Variants in TMEM132D observed in about 807,000 individuals in gnomAD.
TMEM132D encodes mature OL transmembrane protein.
TMEM132D carries 21 observed loss-of-function variants against 62.3 expected under a neutral mutation model. The observed-to-expected ratio is 0.34, with a 90% CI of 0.24 to 0.49. The LOEUF (loss-of-function observed/expected upper bound fraction) is 0.49, where lower values mean the gene tolerates loss of function less well. TMEM132D is among the 20% of genes least tolerant of loss of function. The pLI is 0.99. For synonymous variants in TMEM132D, 621 were observed against 575.6 expected (o/e 1.08, Z -1.13); for missense variants, 1,346 against 1,402.8 (o/e 0.96, Z 0.65).
At chr12:129,606,749 A>C (rs922399385) in intron 2 of TMEM132D, among the ~76,000 whole-genome samples, 2 of 152,186 alleles carry the variant, frequency 1.3e-5, no homozygotes, top group Non-Finnish European at 2.9e-5. Flanking sequence ...AGTGGGCGGC[A>C]AGAAAAAAAG....
At chr12:129,875,791 A>T (rs1047916123) in intron 1 of TMEM132D, among the ~76,000 whole-genome samples, 1 of 152,180 alleles carries the variant, frequency 6.6e-6, no homozygotes, top group African/African-American at 2.4e-5. Flanking sequence ...CAGAAATCCA[A>T]ATTTATCTTA....
intron 4 of TMEM132D, among the ~76,000 whole-genome samples, chr12:129,248,267 T>A (rs1013166793): frequency 3.9e-5 from 6 of 152,326 alleles, no homozygotes; most frequent in Admixed American, 3.3e-4. Context: ...TTTATGATAA[T>A]AAACTCAATA....
At chr12:129,712,123 ATTG>A (rs1442631886) in intron 1 of TMEM132D, among the ~76,000 whole-genome samples, 7 of 151,906 alleles carry the variant, frequency 4.6e-5, no homozygotes, top group Non-Finnish European at 8.8e-5. Flanking sequence ...TATTATCATT[ATTG>A]TTATTATTAT....
intron 3 of TMEM132D, among the ~76,000 whole-genome samples, chr12:129,463,534 T>G (rs891823804): frequency 4.0e-5 from 6 of 151,896 alleles, no homozygotes; most frequent in African/African-American, 1.5e-4. Flanking sequence ...GCAGGTTTGT[T>G]ACATATGTAT....
intron 4 of TMEM132D, among the ~76,000 whole-genome samples, chr12:129,295,100 G>T (rs1881535504): frequency 6.6e-6 from 1 of 152,154 alleles, no homozygotes; most frequent in Non-Finnish European, 1.5e-5. Context: ...AAAAAGATTG[G>T]CCTCCTGCAA....
intron 2 of TMEM132D, among the ~76,000 whole-genome samples, chr12:129,532,237 G>A (rs747401887): frequency 4.6e-5 from 7 of 152,184 alleles, no homozygotes; most frequent in African/African-American, 1.4e-4. Flanking sequence ...CCTGGAGCAC[G>A]CTGATGGTAC....
intron 2 of TMEM132D, among the ~76,000 whole-genome samples, chr12:129,673,079 C>G (rs1880538095): frequency 6.6e-6 from 1 of 152,160 alleles, no homozygotes; most frequent in African/African-American, 2.4e-5. Context: ...TGTTTAGATT[C>G]CTGTAGCCAC....
intron 5 of TMEM132D, among the ~76,000 whole-genome samples, chr12:129,171,237 G>A (rs1250677416): frequency 6.6e-6 from 1 of 152,092 alleles, no homozygotes; most frequent in Non-Finnish European, 1.5e-5. Flanking sequence ...TCCATAAAAA[G>A]CAACTCTTCT....
At chr12:129,082,077 C>T (rs2135617038) in intron 6 of TMEM132D, 45 bp from the exon 7 acceptor site, 1 of 1,559,454 alleles carries the variant, frequency 6.4e-7, no homozygotes, top group Non-Finnish European at 8.7e-7. Flanking sequence ...CTTGTTGGTC[C>T]TCTGTAAGGG....
intron 2 of TMEM132D, among the ~76,000 whole-genome samples, chr12:129,618,428 T>C (rs1220104575): frequency 6.6e-6 from 1 of 152,222 alleles, no homozygotes; most frequent in Non-Finnish European, 1.5e-5. Context: ...TTAACAGACA[T>C]TGCTTTTGCA....
intron 3 of TMEM132D, among the ~76,000 whole-genome samples, chr12:129,343,199 G>A (rs1252344800): frequency 6.6e-6 from 1 of 152,186 alleles, no homozygotes; most frequent in African/African-American, 2.4e-5. Context: ...ATGATAGACT[G>A]GATTAAGAAA....
In TMEM132D at chr12:129,700,584, G is replaced by T. The variant is rs769064382; in HGVS notation, c.194C>A (p.Ala65Asp). The T allele has an allele frequency of 2.5e-6, 4 of 1,614,010 alleles. No homozygotes were observed. In the Admixed American group the frequency reaches 6.7e-5, roughly 27 times the overall value. ...GGAGTTCCTCATGATATCCTGGTTGGCCTCCTTCAGGAAGAAGGAGACGTC... is the reference window on the plus strand; with the variant it reads ...GGAGTTCCTCATGATATCCTGGTTGTCCTCCTTCAGGAAGAAGGAGACGTC... ...NADVSFFLKEANQDIMRNSSL... is the reference protein window; with the variant it reads ...NADVSFFLKEDNQDIMRNSSL... Residue 65 changes from alanine (A) to aspartate (D), a missense_variant, in exon 2 of 9, where the codon GCC (alanine) becomes GAC (aspartate). Coordinates refer to ENST00000422113, the MANE Select transcript of TMEM132D (RefSeq NM_133448.3).
chr12:129,206,283 T>C (rs1020512408), intron 5 of TMEM132D, among the ~76,000 whole-genome samples: 2 of 152,104 alleles, frequency 1.3e-5, no homozygotes, highest in Admixed American at 6.5e-5. Context: ...CACTGAAAAG[T>C]GAGCAAAGGA....
chr12:129,881,368 A>G (rs945707102), intron 1 of TMEM132D, among the ~76,000 whole-genome samples: 3 of 152,054 alleles, frequency 2.0e-5, no homozygotes, highest in Non-Finnish European at 4.4e-5. Flanking sequence ...ACATTTACAG[A>G]GCACTCCTCA....
chr12:129,485,547 C>T (rs980271912), intron 3 of TMEM132D, among the ~76,000 whole-genome samples: 7 of 152,196 alleles, frequency 4.6e-5, no homozygotes, highest in Non-Finnish European at 7.3e-5. Flanking sequence ...TCTGTGCATC[C>T]CTCTTTCCTG....
In TMEM132D at chr12:129,391,045, T is replaced by C. The variant is rs1451312107; in HGVS notation, c.1116-53228A>G. Among the ~76,000 whole-genome samples, 4 of 152,210 alleles carry C rather than the reference T, an allele frequency of 2.6e-5. No homozygotes were observed. The East Asian group carries it at 7.7e-4, about 29-fold the overall frequency. Reference sequence around the variant, plus strand: ...TACGTACTCTATAACTGTTCATTCTTATAACTATTGAATCATTAGATCCTC... The same window carrying C: ...TACGTACTCTATAACTGTTCATTCTCATAACTATTGAATCATTAGATCCTC... On this transcript the variant is annotated intron_variant, in intron 3 of 8. Transcript: ENST00000422113.
intron 3 of TMEM132D, among the ~76,000 whole-genome samples, chr12:129,416,100 A>G (rs1035215547): frequency 6.6e-6 from 1 of 152,194 alleles, no homozygotes; most frequent in African/African-American, 2.4e-5. Context: ...GAGAAAGTCA[A>G]TGGTAGCTTG....
intron 3 of TMEM132D, among the ~76,000 whole-genome samples, chr12:129,393,529 G>A (rs910076744): frequency 2.4e-4 from 37 of 152,168 alleles, no homozygotes; most frequent in African/African-American, 8.2e-4. Context: ...GACAGCAACA[G>A]GCCAGTCTGT....
chr12:129,209,084 T>A (rs1293350127), intron 5 of TMEM132D: 1 of 172,784 alleles, frequency 5.8e-6, no homozygotes, highest in Non-Finnish European at 1.2e-5. Flanking sequence ...GTACACCTTA[T>A]ACCACCATTG....
Sources: allele counts gnomAD v4.1 joint callset (sites outside exome capture counted in the v4.1 genomes callset), GRCh38; gene constraint gnomAD v4.1.1; transcripts MANE v1.5; gene names NCBI Gene and HGNC (gene_info 2026-07-23, HGNC 2026-07-21).